The following MCM6 variants were observed in gnomAD, a reference collection of about 807,000 sequenced individuals.
MCM6 encodes the protein minichromosome maintenance complex component 6.
In MCM6, 46 loss-of-function variants were observed where a neutral mutation model predicts 94.3. The observed-to-expected ratio is 0.49, with a 90% CI of 0.39 to 0.62. The LOEUF is 0.62. Ranked by LOEUF, MCM6 falls within the 20% of genes least tolerant of loss-of-function variation. The pLI is 0.00. For synonymous variants in MCM6, 335 were observed against 351.9 expected, an observed-to-expected ratio of 0.95 and a Z score of 0.54; for missense variants, 865 against 1,017.9, an observed-to-expected ratio of 0.85 and a Z score of 2.04.
chr2:135,859,144 T>C (rs953870236), intron 9 of MCM6, among the ~76,000 whole-genome samples, 157 bp downstream of exon 9: 3 of 152,202 alleles, frequency 2.0e-5, no homozygotes, highest in Admixed American at 2.0e-4. Flanking sequence ...TCCACCCACC[T>C]CGGCTTCCCA....
At chr2:135,855,987 A>G (rs1487174777) in intron 11 of MCM6, among the ~76,000 whole-genome samples, 1 of 152,220 alleles carries the variant, frequency 6.6e-6, no homozygotes, top group Non-Finnish European at 1.5e-5. Flanking sequence ...GGTAAAATAC[A>G]TTCAGCAACT....
At chr2:135,868,406 CAAGTTACTGA>C (rs1680140011) in intron 4 of MCM6, among the ~76,000 whole-genome samples, 195 bp downstream of exon 4, 1 of 152,168 alleles carries the variant, frequency 6.6e-6, no homozygotes, top group Non-Finnish European at 1.5e-5. Context: ...AAGGAACTTC[CAAGTTACTGA>C]AAGTTAAAAC....
chr2:135,869,401 A>AG (rs1680161748), intron 3 of MCM6, among the ~76,000 whole-genome samples: 2 of 143,760 alleles, frequency 1.4e-5, no homozygotes, highest in Admixed American at 1.4e-4. Context: ...ACTCTGTCTC[A>AG]GAAAAAAAAA....
chr2:135,861,404 A>C (rs1004096343), intron 8 of MCM6, among the ~76,000 whole-genome samples: 1 of 152,200 alleles, frequency 6.6e-6, no homozygotes, highest in Non-Finnish European at 1.5e-5. Context: ...GGGTGCTGCT[A>C]GAGTAAGACA....
At chr2:135,843,445 G>A (rs1160661298) in intron 16 of MCM6, among the ~76,000 whole-genome samples, 1 of 151,986 alleles carries the variant, frequency 6.6e-6, no homozygotes, top group Non-Finnish European at 1.5e-5. Context: ...AGAAGAGAAA[G>A]ATTCAGGCCA....
In MCM6 at chr2:135,869,131, A is replaced by T. The variant is rs1680155000; in HGVS notation, c.366-271T>A. On this transcript the variant is annotated intron_variant, in intron 3 of 16. Transcript: ENST00000264156. ...TTATAAAACAGAACGGGCTGGGCGC[A>T]GTGACTCACACCTGTAATCCCAGCA... is the stretch of plus-strand genomic sequence containing the variant. 2.0e-5 allele frequency among the ~76,000 whole-genome samples: 3 copies of T among 152,286 alleles called. No individual in the cohort carries two copies. The South Asian group carries it at 6.2e-4, about 32-fold the overall frequency.
chr2:135,858,083 G>T, intron 9 of MCM6, 79 bp from the exon 10 acceptor site: 1 of 1,312,516 alleles, frequency 7.6e-7, no homozygotes, highest in Non-Finnish European at 1.1e-6. Context: ...CCAGCACTTT[G>T]GGAGGCCAAG....
intron 8 of MCM6, among the ~76,000 whole-genome samples, chr2:135,860,002 C>A (rs931083121): frequency 1.3e-5 from 2 of 152,022 alleles, no homozygotes; most frequent in Non-Finnish European, 2.9e-5. Context: ...TGGGGTTTCA[C>A]CATGTTGGCC....
intron 1 of MCM6, 107 bp from the exon 2 acceptor site, chr2:135,872,950 C>A: frequency 7.4e-7 from 1 of 1,350,318 alleles, no homozygotes; most frequent in Non-Finnish European, 1.0e-6. Context: ...TCAGACAGGC[C>A]CATGTTTGGC....
intron 3 of MCM6, among the ~76,000 whole-genome samples, chr2:135,869,659 A>G (rs1167946902): frequency 1.3e-5 from 2 of 152,178 alleles, no homozygotes; most frequent in Non-Finnish European, 2.9e-5. Context: ...TATTCTTAAA[A>G]TAACTGCCAA....
intron 8 of MCM6, among the ~76,000 whole-genome samples, chr2:135,860,278 G>A (rs1166135950): frequency 6.6e-6 from 1 of 151,696 alleles, no homozygotes; most frequent in Admixed American, 6.6e-5. Context: ...GACTACAGGC[G>A]CTCGCCACCA....
rs767092365 is a variant in MCM6 at position 135,846,337 on chromosome 2, T to G, written c.2109A>C (p.Ile703=). 3.1e-6 allele frequency: 5 copies of G among 1,614,002 alleles called. No individual in the cohort carries two copies. Among genetic ancestry groups the G allele is most frequent in the Non-Finnish European group, 4.2e-6 (5 of 1,179,992 alleles). ...VNGINGYNED[I]NQESAPKASL... is the part of the protein sequence containing the mutation. ...AGGCTTTGGGAGCAGACTCTTGATT[T>G]ATGTCTTCATTGTAGCCATTGATCC... Residue 703 remains isoleucine (I), a synonymous_variant, in exon 15 of 17, where the codon ATA becomes ATC. Coordinates refer to ENST00000264156, the MANE Select transcript of MCM6 (RefSeq NM_005915.6).
intron 8 of MCM6, among the ~76,000 whole-genome samples, chr2:135,860,457 C>G (rs1027554286): frequency 6.6e-6 from 1 of 152,128 alleles, no homozygotes; most frequent in Admixed American, 6.5e-5. Flanking sequence ...TAAAAGAAGT[C>G]TTTAATAGTA....
rs777230979 is a variant in MCM6, at chr2:135,848,158, G to A, written c.1948C>T (p.Arg650Trp). The A allele has an allele frequency of 4.3e-6, 7 of 1,611,762 alleles. No individual in the cohort carries two copies. Among genetic ancestry groups the A allele is most frequent in the East Asian group, 2.2e-5 (1 of 44,858 alleles). ...CGGATGATTGATTTATTCAGTAACC[G>A]GAAAGCTTCCTTCACATGTTTAGGT... The part of the protein sequence containing the change: ...VQPKHVKEAF[R>W]LLNKSIIRVE... The change falls in exon 14 of 17, where the codon CGG becomes TGG. Residue 650 changes from arginine to tryptophan, a missense_variant. Physicochemically the swap from Arg to Trp is moderately radical, Grantham distance 101 (BLOSUM62 -3). Around this residue, in one of 3 missense-constraint regions of MCM6, gnomAD observed 308 missense variants for 324.5 expected, o/e 0.95. Coordinates refer to ENST00000264156, the MANE Select transcript of MCM6 (RefSeq NM_005915.6).
chr2:135,842,033 A>G (rs1679581384), intron 16 of MCM6, among the ~76,000 whole-genome samples: 1 of 152,156 alleles, frequency 6.6e-6, no homozygotes, highest in South Asian at 2.1e-4. Context: ...TAAACCCAGA[A>G]GGCGGAAGTT....
intron 15 of MCM6, among the ~76,000 whole-genome samples, chr2:135,845,812 C>T (rs552756874): frequency 3.9e-5 from 6 of 152,314 alleles, no homozygotes; most frequent in South Asian, 2.1e-4. Context: ...GATTTTACTC[C>T]ATTTCTAGTC....
chr2:135,843,427 G>C (rs549236795), intron 16 of MCM6, among the ~76,000 whole-genome samples: 2 of 152,180 alleles, frequency 1.3e-5, no homozygotes, highest in South Asian at 4.2e-4. Flanking sequence ...CTATCTGAGA[G>C]TAAAGTAAGA....
intron 1 of MCM6, among the ~76,000 whole-genome samples, chr2:135,873,122 T>C (rs1381362802): frequency 6.6e-6 from 1 of 152,144 alleles, no homozygotes; most frequent in Admixed American, 6.5e-5. Context: ...TGATAGTAAG[T>C]CTCACGAGAT....
In MCM6 at chr2:135,859,809, A is replaced by AT. The variant is rs548654325; in HGVS notation, c.1221-368dup. Among the ~76,000 whole-genome samples the AT allele has an allele frequency of 3.8e-4, 57 of 151,246 alleles. No homozygotes were observed. In the South Asian group the frequency reaches 5.4e-3, roughly 14 times the overall value. ...GAGTTAATACCTGATAAAAATATCAATTTTTTTTAATTGAGACACAGTCTT... is the reference window on the plus strand; with the variant it reads ...GAGTTAATACCTGATAAAAATATCAATTTTTTTTTAATTGAGACACAGTCTT... On this transcript the variant is annotated intron_variant, in intron 8 of 16. Transcript: ENST00000264156.
Sources: gnomAD v4.1 joint callset for allele counts (sites outside exome capture counted in the v4.1 genomes callset) on GRCh38, gnomAD v4.1.1 for gene constraint, gnomAD v4.1.1 regional missense constraint, MANE v1.5 for transcripts, NCBI Gene and HGNC (gene_info 2026-07-23, HGNC 2026-07-21) for gene names.